KDF1: variants seen among roughly 807,000 people sequenced by gnomAD.
KDF1 encodes the protein RP11-344H11.3.
A neutral mutation model predicts 31.6 loss-of-function variants in KDF1; 11 were observed. The ratio of observed to expected loss-of-function variants is 0.35; its 90% CI spans 0.22 to 0.58. The LOEUF (loss-of-function observed/expected upper bound fraction) is 0.58, where lower values mean the gene tolerates loss of function less well. KDF1 is among the 20% of genes least tolerant of loss of function. KDF1 has a pLI of 0.83. For synonymous variants in KDF1, 205 were observed against 214.4 expected (o/e 0.96, Z 0.38); for missense variants, 476 against 549.1 (o/e 0.87, Z 1.33).
At chr1:26,959,860 C>T (rs1210329270) in intron 1 of KDF1, among the ~76,000 whole-genome samples, 1 of 152,162 alleles carries the variant, frequency 6.6e-6, no homozygotes, top group East Asian at 1.9e-4. Context: ...CCTCCTGCCC[C>T]AAAGGTGCAG....
At chr1:26,956,857 G>A (rs1292943875) in intron 1 of KDF1, among the ~76,000 whole-genome samples, 1 of 152,212 alleles carries the variant, frequency 6.6e-6, no homozygotes, top group African/African-American at 2.4e-5. Context: ...AGTTATGTGT[G>A]TGTAGAGAAA....
In KDF1 at chr1:26,950,285, G is replaced by A. The variant is rs918564754; in HGVS notation, c.1115-134C>T. 30 of 768,954 alleles carry A rather than the reference G, an allele frequency of 3.9e-5. No homozygotes were observed. The highest frequency in any genetic ancestry group is 5.3e-5 in the Non-Finnish European group (24 of 451,338). The allele number at this position is 768,954 out of a possible 1,614,324, so 47.6% of individuals were successfully genotyped here. Reference sequence around the variant, plus strand: ...TGGGTCAGTCTGATCCTGGCTGGATGACCCACTCAGTTTATTGACCTCTCT... The same window carrying A: ...TGGGTCAGTCTGATCCTGGCTGGATAACCCACTCAGTTTATTGACCTCTCT... On this transcript the variant is annotated intron_variant, in intron 3 of 3. Transcript: ENST00000320567. This position sits in a 1 kb window ranked among gnomAD's most constrained non-coding sequence, Gnocchi z 4.0.
rs891436898 is a variant in KDF1, at chr1:26,950,427, G to A, written c.1114+255C>T. 6.6e-6 allele frequency among the ~76,000 whole-genome samples: 1 copy of A among 152,228 alleles called. No individual in the cohort carries two copies. Among genetic ancestry groups the A allele is most frequent in the Non-Finnish European group, 1.5e-5 (1 of 68,034 alleles). Reference sequence around the variant, plus strand: ...GTGTCTTTCCAGCACCATGCTGGATGGCTCCCCACCCACTACTTTCCTAGT... The same window carrying A: ...GTGTCTTTCCAGCACCATGCTGGATAGCTCCCCACCCACTACTTTCCTAGT... On this transcript the variant is annotated intron_variant, in intron 3 of 3. Coordinates refer to ENST00000320567, the MANE Select transcript of KDF1 (RefSeq NM_152365.3). The surrounding 1 kb of genome is among the most constrained non-coding windows in gnomAD (Gnocchi z 4.0).
chr1:26,956,216 C>T (rs993660557), intron 1 of KDF1, among the ~76,000 whole-genome samples: 26 of 152,052 alleles, frequency 1.7e-4, no homozygotes, highest in African/African-American at 3.4e-4. Flanking sequence ...AACTGGGCAT[C>T]GGGATATCTG....
rs949400521 is a variant in KDF1 at position 26,952,909 on chromosome 1, G to A, written c.-32-497C>T. On this transcript the variant is annotated intron_variant, in intron 1 of 3. Transcript: ENST00000320567. The surrounding 1 kb of genome is among the most constrained non-coding windows in gnomAD (Gnocchi z 4.1). ...TGAGGCAGGAGAATCGCTTGAACCC[G>A]GGTGGCAGAGGTTGCAGTGAGCCAA... Among the ~76,000 whole-genome samples the A allele has an allele frequency of 1.3e-5, 2 of 151,860 alleles. No homozygotes were observed. Among genetic ancestry groups the A allele is most frequent in the Admixed American group, 6.6e-5 (1 of 15,248 alleles).
At position 26,950,823 on chromosome 1, in the gene KDF1, G is replaced by A; in HGVS notation, c.1040-67C>T. ...TCTTTCAACCCTATTTCCTACTTCT[G>A]TTCCCAGCCCGATGAGGGAGGAGCC... On this transcript the variant is annotated intron_variant, in intron 2 of 3. Transcript: ENST00000320567. The surrounding 1 kb of genome is among the most constrained non-coding windows in gnomAD (Gnocchi z 4.0). 2 of 1,441,682 alleles carry A rather than the reference G, an allele frequency of 1.4e-6. No individual in the cohort carries two copies. Among genetic ancestry groups the A allele is most frequent in the Non-Finnish European group, 2.0e-6 (2 of 1,025,224 alleles). The allele number at this position is 1,441,682 out of a possible 1,614,324, so 89.3% of individuals were successfully genotyped here.
In KDF1 at chr1:26,950,063, C is replaced by T. The variant is rs2082339841; in HGVS notation, c.*6G>A. ...GAAAGGGTGTGGCAGCTGGGCCTGG[C>T]AGGGGTTAGCAGTACACCTGGAGCA... On this transcript the variant is annotated 3_prime_UTR_variant, in exon 4 of 4. Transcript: ENST00000320567. The surrounding 1 kb of genome is among the most constrained non-coding windows in gnomAD (Gnocchi z 4.0). The T allele has an allele frequency of 6.2e-7, 1 of 1,612,584 alleles. No individual in the cohort carries two copies. The highest frequency in any genetic ancestry group is 8.5e-7 in the Non-Finnish European group (1 of 1,178,744).
intron 1 of KDF1, among the ~76,000 whole-genome samples, chr1:26,958,616 C>T (rs760186856): frequency 5.9e-5 from 9 of 152,164 alleles, no homozygotes; most frequent in Non-Finnish European, 1.3e-4. Context: ...TATACTAAAG[C>T]ACAGACAGGT....
In KDF1 at chr1:26,951,800, T is replaced by TCGG. The variant is rs767411580; in HGVS notation, c.578_580dup (p.Ala193dup). Reference sequence around the variant, plus strand: ...CAGGCTGTGTCGCATGGGTGGGGGATCGGCCAGTGGCTCCTTGCAGCAGGA... The same window carrying TCGG: ...CAGGCTGTGTCGCATGGGTGGGGGATCGGCGGCCAGTGGCTCCTTGCAGCAGGA... On this transcript the variant is annotated inframe_insertion, in exon 2 of 4. Transcript: ENST00000320567. This position sits in a 1 kb window ranked among gnomAD's most constrained non-coding sequence, Gnocchi z 5.4. 1.1e-5 allele frequency: 17 copies of TCGG among 1,613,906 alleles called. No individual in the cohort carries two copies. The Admixed American group carries it at 2.8e-4, about 27-fold the overall frequency.
Position 26,950,899 on chromosome 1 carries a change from G to C in KDF1, c.1040-143C>G. ...AATAATGCTTAAAGACAGAGACATAGACAACGTGTGCATGCGCAGAGTGAT... is the reference window on the plus strand; with the variant it reads ...AATAATGCTTAAAGACAGAGACATACACAACGTGTGCATGCGCAGAGTGAT... On this transcript the variant is annotated intron_variant, in intron 2 of 3. Coordinates refer to ENST00000320567, the MANE Select transcript of KDF1 (RefSeq NM_152365.3). The surrounding 1 kb of genome is among the most constrained non-coding windows in gnomAD (Gnocchi z 4.0). 1.4e-6 allele frequency: 1 copy of C among 735,214 alleles called. No individual in the cohort carries two copies. Among genetic ancestry groups the C allele is most frequent in the Non-Finnish European group, 2.3e-6 (1 of 432,328 alleles). The allele number at this position is 735,214 out of a possible 1,614,324, so 45.5% of individuals were successfully genotyped here.
At chr1:26,958,758 C>A (rs932664657) in intron 1 of KDF1, among the ~76,000 whole-genome samples, 3 of 152,180 alleles carry the variant, frequency 2.0e-5, no homozygotes, top group Non-Finnish European at 4.4e-5. Flanking sequence ...CATGGACCAG[C>A]GTGTGCCCAG....
chr1:26,950,426 T>C lies in KDF1; in HGVS notation c.1114+256A>G, dbSNP rs1161884931. Among the ~76,000 whole-genome samples, 1 of 152,214 alleles carries C rather than the reference T, an allele frequency of 6.6e-6. No individual in the cohort carries two copies. Among genetic ancestry groups the C allele is most frequent in the African/African-American group, 2.4e-5 (1 of 41,456 alleles). ...GGTGTCTTTCCAGCACCATGCTGGA[T>C]GGCTCCCCACCCACTACTTTCCTAG... On this transcript the variant is annotated intron_variant, in intron 3 of 3. Coordinates refer to ENST00000320567, the MANE Select transcript of KDF1 (RefSeq NM_152365.3). This position sits in a 1 kb window ranked among gnomAD's most constrained non-coding sequence, Gnocchi z 4.0.
Position 26,950,602 on chromosome 1 carries a change from G to T in KDF1, c.1114+80C>A. ...TGATGTCATCCTCATCACCCCAAAA[G>T]AAAGCTGGGAGAGCAGCAGGTGAGG... On this transcript the variant is annotated intron_variant, in intron 3 of 3. Transcript: ENST00000320567. The surrounding 1 kb of genome is among the most constrained non-coding windows in gnomAD (Gnocchi z 4.0). The T allele has an allele frequency of 8.3e-7, 1 of 1,197,786 alleles. No homozygotes were observed. The highest frequency in any genetic ancestry group is 1.2e-6 in the Non-Finnish European group (1 of 811,222). The allele number at this position is 1,197,786 out of a possible 1,614,324, so 74.2% of individuals were successfully genotyped here. A position where few individuals can be genotyped will look rare whatever the true frequency, so the allele number is the denominator to read the frequency against.
chr1:26,950,158 G>A lies in KDF1; in HGVS notation c.1115-7C>T. 1 of 1,611,764 alleles carries A rather than the reference G, an allele frequency of 6.2e-7. No homozygotes were observed. The highest frequency in any genetic ancestry group is 8.5e-7 in the Non-Finnish European group (1 of 1,177,998). On this transcript the variant is annotated splice_polypyrimidine_tract_variant and splice_region_variant and intron_variant, in intron 3 of 3. Transcript: ENST00000320567. The surrounding 1 kb of genome is among the most constrained non-coding windows in gnomAD (Gnocchi z 4.0). ...TCATGGCTTGCTGGGTACCCTGGTA[G>A]GAAGGAGAGGAGAGGAGGAAACAGG...
rs1444707756 is a variant in KDF1 at position 26,951,936 on chromosome 1, G to A, written c.445C>T (p.Gln149Ter). 9 of 1,604,958 alleles carry A rather than the reference G, an allele frequency of 5.6e-6. No individual in the cohort carries two copies. Among genetic ancestry groups the A allele is most frequent in the Non-Finnish European group, 7.7e-6 (9 of 1,173,872 alleles). The change falls in exon 2 of 4, where the codon CAG becomes TAG. Residue 149 changes from glutamine to a stop codon, truncating the protein, a stop_gained. Transcript: ENST00000320567. LOFTEE classifies it high-confidence loss of function. The surrounding 1 kb of genome is among the most constrained non-coding windows in gnomAD (Gnocchi z 5.4). ...CTGCCCATGGTTGACTTGAGCCGCTGGCCATCCCGCCGGCTGGGGGGTGCA... is the reference window on the plus strand; with the variant it reads ...CTGCCCATGGTTGACTTGAGCCGCTAGCCATCCCGCCGGCTGGGGGGTGCA... ...DRAPPSRRDG[Q>*]RLKSTMGSSF...
intron 1 of KDF1, among the ~76,000 whole-genome samples, chr1:26,958,130 C>CTTT (rs537884216): frequency 8.4e-5 from 10 of 119,726 alleles, no homozygotes; most frequent in Non-Finnish European, 1.6e-4. Flanking sequence ...GTTCTAAATT[C>CTTT]TTTTTTTTTT....
chr1:26,953,155 T>C (rs2082360650), intron 1 of KDF1, among the ~76,000 whole-genome samples: 1 of 152,210 alleles, frequency 6.6e-6, no homozygotes, highest in African/African-American at 2.4e-5. Context: ...CCTTTAAGTA[T>C]CATGCTGGTG....
rs535449942 is a variant in KDF1 at position 26,951,952 on chromosome 1, G to C, written c.429C>G (p.Pro143=). The C allele has an allele frequency of 1.8e-5, 29 of 1,605,182 alleles. No individual in the cohort carries two copies. The highest frequency in any genetic ancestry group is 3.4e-6 in the Non-Finnish European group (4 of 1,174,006). ...GVPPSPDRAP[P]SRRDGQRLKS... ...TGAGCCGCTGGCCATCCCGCCGGCT[G>C]GGGGGTGCACGATCAGGGCTGGGGG... is the stretch of plus-strand genomic sequence containing the variant. The change falls in exon 2 of 4, where the codon CCC becomes CCG. Residue 143 remains proline, a synonymous_variant. Coordinates refer to ENST00000320567, the MANE Select transcript of KDF1 (RefSeq NM_152365.3). This position sits in a 1 kb window ranked among gnomAD's most constrained non-coding sequence, Gnocchi z 5.4.
rs1180072361 is a variant in KDF1, at chr1:26,951,770, C to G, written c.611G>C (p.Ser204Thr). ...GCCACGAGGACTACTGGCAAAGGTG[C>G]TGGGCAGGCTGTGTCGCATGGGTGG... The part of the protein sequence containing the change: ...DPPPMRHSLP[S>T]TFASSPRGSE... The change falls in exon 2 of 4, where the codon AGC becomes ACC. Residue 204 changes from serine (S) to threonine (T), a missense_variant. By Grantham distance (58) the Ser-to-Thr change is moderately conservative. Coordinates refer to ENST00000320567, the MANE Select transcript of KDF1 (RefSeq NM_152365.3). The surrounding 1 kb of genome is among the most constrained non-coding windows in gnomAD (Gnocchi z 5.4). 1 of 1,614,104 alleles carries G rather than the reference C, an allele frequency of 6.2e-7. No individual in the cohort carries two copies. The highest frequency in any genetic ancestry group is 8.5e-7 in the Non-Finnish European group (1 of 1,180,024).
Sources: allele counts gnomAD v4.1 joint callset (sites outside exome capture counted in the v4.1 genomes callset), GRCh38; gene constraint gnomAD v4.1.1; non-coding constraint Gnocchi (gnomAD v3.1); transcripts MANE v1.5; gene names NCBI Gene and HGNC (gene_info 2026-07-23, HGNC 2026-07-21).